Variants in CADM3 observed in about 807,000 individuals in gnomAD.
The protein encoded by CADM3 is cell adhesion molecule 3, also known as TSLC1-like 1.
Under a neutral mutation model 44.9 loss-of-function variants are expected in CADM3, and 11 were observed. The ratio of observed to expected loss-of-function variants is 0.25; its 90% CI spans 0.15 to 0.41. The LOEUF is 0.41. Ranked by LOEUF, CADM3 falls within the 10% of genes least tolerant of loss-of-function variation. CADM3 has a pLI of 1.00. For missense variants in CADM3, 426 were observed against 512.0 expected, an observed-to-expected ratio of 0.83 and a Z score of 1.62; for synonymous variants, 207 against 205.2, an observed-to-expected ratio of 1.01 and a Z score of -0.08.
intron 8 of CADM3, among the ~76,000 whole-genome samples, chr1:159,200,540 A>G (rs985313604): frequency 3.6e-5 from 5 of 140,788 alleles, no homozygotes; most frequent in Admixed American, 1.4e-4. Context: ...ACACACACAC[A>G]CACACACACA....
At chr1:159,182,713 A>G (rs1649280213) in intron 1 of CADM3, among the ~76,000 whole-genome samples, 1 of 152,190 alleles carries the variant, frequency 6.6e-6, no homozygotes, top group Non-Finnish European at 1.5e-5. Flanking sequence ...TGTAAAATCA[A>G]AAGGATCTTA....
intron 1 of CADM3, among the ~76,000 whole-genome samples, chr1:159,172,125 C>G (rs1184184781): frequency 6.6e-6 from 1 of 151,984 alleles, no homozygotes; most frequent in Non-Finnish European, 1.5e-5. Flanking sequence ...CCGTTAGGAG[C>G]AGCCCGGGGT....
chr1:159,190,016 G>T, intron 1 of CADM3: 1 of 645,334 alleles, frequency 1.5e-6, no homozygotes, highest in Non-Finnish European at 2.7e-6. Flanking sequence ...TGACATTTTA[G>T]TTCTTAGTCT....
Position 159,189,708 on chromosome 1 carries a change from T to TGCCTAGCCTTTCCCAC in CADM3, c.89-2228_89-2227insGCCTAGCCTTTCCCAC, listed in dbSNP as rs1272053377. 61 of 1,248,096 alleles carry TGCCTAGCCTTTCCCAC rather than the reference T, an allele frequency of 4.9e-5. No individual in the cohort carries two copies. In the Middle Eastern group the frequency reaches 8.4e-4, roughly 17 times the overall value. The allele number at this position is 1,248,096 out of a possible 1,614,324, so 77.3% of individuals were successfully genotyped here. ...TTTCCCACATGCCCAGCAATGAAAG[T>TGCCTAGCCTTTCCCAC]AGAGCCCCACACTGTAGCAGGATAC... On this transcript the variant is annotated intron_variant, in intron 1 of 8. Transcript: ENST00000368125.
At chr1:159,174,928 G>A (rs1439450314) in intron 1 of CADM3, among the ~76,000 whole-genome samples, 6 of 152,166 alleles carry the variant, frequency 3.9e-5, no homozygotes, top group Admixed American at 6.5e-5. Flanking sequence ...ATAGATAGAC[G>A]GATAGCCTCT....
At chr1:159,200,520 A>G (rs78099466) in intron 8 of CADM3, among the ~76,000 whole-genome samples, 147 of 1,720 alleles carry the variant, frequency 0.085, no homozygotes, top group African/African-American at 0.14. Flanking sequence ...GCGTGCAAGC[A>G]CACACACACA....
Position 159,199,788 on chromosome 1 carries a change from C to T in CADM3, c.990C>T (p.His330=), listed in dbSNP as rs546701904. Residue 330 remains histidine (H), a synonymous_variant, in exon 8 of 9, where the codon CAC becomes CAT. Transcript: ENST00000368125. ...SPVPSSSSTY[H]AIIGGIVAFI... Reference sequence around the variant, plus strand: ...TGCCCTCCTCCTCCAGCACCTACCACGCCATCATCGGTGGGATCGTGGCTT... The same window carrying T: ...TGCCCTCCTCCTCCAGCACCTACCATGCCATCATCGGTGGGATCGTGGCTT... The T allele has an allele frequency of 3.3e-5, 53 of 1,614,102 alleles. No individual in the cohort carries two copies. The highest frequency in any genetic ancestry group is 2.3e-4 in the African/African-American group (17 of 74,998).
In CADM3 at chr1:159,199,849, C is replaced by T; in HGVS notation, c.1051C>T (p.Leu351Phe). The change falls in exon 8 of 9, where the codon CTT becomes TTT. Residue 351 changes from leucine to phenylalanine, a missense_variant. Transcript: ENST00000368125. ...VFLLLIMLIF[L>F]GHYLIRHKGT... ...CCTGCTGCTCATCATGCTCATCTTC[C>T]TTGGCCACTACTTGATCCGGCACAA... The T allele has an allele frequency of 6.2e-7, 1 of 1,614,036 alleles. No homozygotes were observed.
chr1:159,196,770 C>T (rs943423029), intron 6 of CADM3, 121 bp from the exon 7 acceptor site: 12 of 1,019,218 alleles, frequency 1.2e-5, no homozygotes, highest in East Asian at 2.5e-5. Context: ...TCTCTGGCCC[C>T]GATAATTTCT....
chr1:159,173,016 T>C (rs1648878810), intron 1 of CADM3, among the ~76,000 whole-genome samples: 2 of 151,608 alleles, frequency 1.3e-5, no homozygotes, highest in South Asian at 4.2e-4. Context: ...CCCACCGCCC[T>C]GTCGGAAGAG....
chr1:159,197,151 A>C, intron 7 of CADM3, 91 bp downstream of exon 7: 3 of 1,363,640 alleles, frequency 2.2e-6, no homozygotes, highest in Non-Finnish European at 3.1e-6. Context: ...ACATCCCCAA[A>C]CTGTGACGGG....
In CADM3 at chr1:159,171,690, C is replaced by T; in HGVS notation, c.-76C>T. 9.1e-7 allele frequency: 1 copy of T among 1,098,276 alleles called. No homozygotes were observed. Among genetic ancestry groups the T allele is most frequent in the Non-Finnish European group, 1.2e-6 (1 of 866,608 alleles). The allele number at this position is 1,098,276 out of a possible 1,614,324, so 68.0% of individuals were successfully genotyped here. A position where few individuals can be genotyped will look rare whatever the true frequency, so the allele number is the denominator to read the frequency against. On this transcript the variant is annotated 5_prime_UTR_variant, in exon 1 of 9. Coordinates refer to ENST00000368125, the MANE Select transcript of CADM3 (RefSeq NM_001127173.3). ...GCGCCCTTTCGGTCAACATCGTAGT[C>T]CACCCCCTCCCCATCCCCAGCCCCC...
chr1:159,189,740 G>A (rs1368512147), intron 1 of CADM3: 1 of 1,507,272 alleles, frequency 6.6e-7, no homozygotes, highest in Non-Finnish European at 9.1e-7. Flanking sequence ...ATACATGTAG[G>A]GCTCATGCTT....
At chr1:159,184,257 T>C (rs973403148) in intron 1 of CADM3, among the ~76,000 whole-genome samples, 1 of 152,200 alleles carries the variant, frequency 6.6e-6, no homozygotes, top group Non-Finnish European at 1.5e-5. Flanking sequence ...AGCCCAGCAA[T>C]GGATGTAGAT....
chr1:159,199,781 C>T lies in CADM3; in HGVS notation c.983C>T (p.Thr328Ile), dbSNP rs1461085298. The change falls in exon 8 of 9, where the codon ACC (threonine) becomes ATC (isoleucine). Residue 328 changes from threonine to isoleucine, a missense_variant. This residue lies in a region of CADM3 where 362 missense variants were observed against 474.6 expected (regional missense o/e 0.76). Transcript: ENST00000368125. ...AGTCCGGTGCCCTCCTCCTCCAGCA[C>T]CTACCACGCCATCATCGGTGGGATC... ...DPSPVPSSSS[T>I]YHAIIGGIVA... 6.8e-6 allele frequency: 11 copies of T among 1,614,126 alleles called. No homozygotes were observed. Among genetic ancestry groups the T allele is most frequent in the Non-Finnish European group, 9.3e-6 (11 of 1,180,028 alleles).
intron 1 of CADM3, chr1:159,189,816 T>TCGA (rs1336847310): frequency 6.2e-7 from 1 of 1,607,902 alleles, no homozygotes; most frequent in Non-Finnish European, 8.5e-7. Context: ...CTGGCTCCAC[T>TCGA]CGACGAGGCC....
At chr1:159,195,438 CT>C (rs1462290253) in intron 5 of CADM3, 1 of 152,234 alleles carries the variant, frequency 6.6e-6, no homozygotes, top group Non-Finnish European at 1.5e-5. Flanking sequence ...CCTTGGTCCC[CT>C]GCCTGAGCCC....
Position 159,193,525 on chromosome 1 carries a change from G to T in CADM3, c.485G>T (p.Arg162Leu). The T allele has an allele frequency of 6.2e-7, 1 of 1,614,132 alleles. No homozygotes were observed. Among genetic ancestry groups the T allele is most frequent in the Non-Finnish European group, 8.5e-7 (1 of 1,180,020 alleles). Residue 162 changes from arginine (R) to leucine (L), a missense_variant, in exon 4 of 9, where the codon CGG becomes CTG. This residue lies in a region of CADM3 where 362 missense variants were observed against 474.6 expected (regional missense o/e 0.76). Coordinates refer to ENST00000368125, the MANE Select transcript of CADM3 (RefSeq NM_001127173.3). ...CQSSGSKPAA[R>L]LTWRKGDQEL... ...TCTTCTGGGAGCAAGCCTGCAGCCC[G>T]GCTCACCTGGAGAAAGGGTGACCAA...
At chr1:159,184,648 C>A (rs370597333) in intron 1 of CADM3, among the ~76,000 whole-genome samples, 72 of 152,274 alleles carry the variant, frequency 4.7e-4, no homozygotes, top group African/African-American at 1.7e-3. Context: ...AAAACAGACA[C>A]GGCAGGGACA....
Sources: allele counts gnomAD v4.1 joint callset (sites outside exome capture counted in the v4.1 genomes callset), GRCh38; gene constraint gnomAD v4.1.1; regional missense constraint gnomAD v4.1.1; transcripts MANE v1.5; gene names NCBI Gene and HGNC (gene_info 2026-07-23, HGNC 2026-07-21).